Variants in ADARB2 observed in about 807,000 individuals in gnomAD.
ADARB2 encodes adenosine deaminase RNA specific B2 (inactive).
ADARB2 carries 25 observed loss-of-function variants against 62.2 expected under a neutral mutation model. The ratio of observed to expected loss-of-function variants is 0.40; its 90% CI spans 0.29 to 0.56. The LOEUF is 0.56. Among genes scored for constraint, ADARB2 ranks in the 20% least tolerant of loss-of-function variants. The probability of loss-of-function intolerance (pLI) is 0.43; values close to 1 mark genes in which losing one functional copy is unlikely to be tolerated. For missense variants in ADARB2, 1,071 were observed against 1,077.4 expected, an observed-to-expected ratio of 0.99 and a Z score of 0.08; for synonymous variants, 572 against 500.8, an observed-to-expected ratio of 1.14 and a Z score of -1.90.
intron 1 of ADARB2, among the ~76,000 whole-genome samples, chr10:1,400,184 C>T (rs1163345849): frequency 6.6e-6 from 1 of 152,230 alleles, no homozygotes; most frequent in Non-Finnish European, 1.5e-5. Flanking sequence ...CCAGCACCTG[C>T]AGCTGTCCTG....
chr10:1,737,154 C>CA lies in ADARB2; in HGVS notation c.-5_-4insT, dbSNP rs1564208728. 1 of 1,606,692 alleles carries CA rather than the reference C, an allele frequency of 6.2e-7. No homozygotes were observed. Among genetic ancestry groups the CA allele is most frequent in the Admixed American group, 1.7e-5 (1 of 60,030 alleles). Reference sequence around the variant, plus strand: ...CGCTCCCCAGGACCGAGGCCATGGCCGAGACCCAGGCGCGGAGCCCAGAGC... The same window carrying CA: ...CGCTCCCCAGGACCGAGGCCATGGCCAGAGACCCAGGCGCGGAGCCCAGAGC... On this transcript the variant is annotated 5_prime_UTR_variant, in exon 1 of 10. Coordinates refer to ENST00000381312, the MANE Select transcript of ADARB2 (RefSeq NM_018702.4).
At chr10:1,258,215 G>T (rs775619199) in intron 4 of ADARB2, among the ~76,000 whole-genome samples, 15 of 151,958 alleles carry the variant, frequency 9.9e-5, no homozygotes, top group Non-Finnish European at 1.5e-4. Flanking sequence ...GTAAATATAA[G>T]AATATTTTAG....
chr10:1,720,712 G>A (rs138369229), intron 1 of ADARB2, among the ~76,000 whole-genome samples: 1 of 152,294 alleles, frequency 6.6e-6, no homozygotes, highest in East Asian at 1.9e-4. Context: ...GGAGCATGCG[G>A]GGGCCTCTGG....
At chr10:1,407,344 G>A (rs533850803) in intron 1 of ADARB2, among the ~76,000 whole-genome samples, 5 of 152,184 alleles carry the variant, frequency 3.3e-5, no homozygotes, top group South Asian at 2.1e-4. Flanking sequence ...CGGGTCCGAC[G>A]TCTCCGGCGT....
chr10:1,309,143 T>C (rs1831661031), intron 3 of ADARB2, among the ~76,000 whole-genome samples: 2 of 152,202 alleles, frequency 1.3e-5, no homozygotes, highest in African/African-American at 4.8e-5. Flanking sequence ...AGGAATGATA[T>C]TTGGGACATG....
chr10:1,495,683 A>G (rs1831678994), intron 1 of ADARB2, among the ~76,000 whole-genome samples: 2 of 66,616 alleles, frequency 3.0e-5, no homozygotes, highest in Admixed American at 2.9e-4. Context: ...GGTTGTCATT[A>G]TTAACATGAT....
intron 1 of ADARB2, among the ~76,000 whole-genome samples, chr10:1,573,457 C>T (rs1421200834): frequency 6.6e-6 from 1 of 152,202 alleles, no homozygotes; most frequent in African/African-American, 2.4e-5. Context: ...AAGTACACAG[C>T]AGAAAGTAAA....
chr10:1,184,721 G>A, intron 9 of ADARB2, 140 bp downstream of exon 9: 1 of 997,946 alleles, frequency 1.0e-6, no homozygotes, highest in Non-Finnish European at 1.4e-6. Context: ...TGGGCAGCTG[G>A]GAAAAGGACA....
chr10:1,662,090 G>A (rs773601126), intron 1 of ADARB2, among the ~76,000 whole-genome samples: 12 of 152,318 alleles, frequency 7.9e-5, no homozygotes, highest in Admixed American at 4.6e-4. Context: ...ACTTTTCAGC[G>A]TTGAAGGTGC....
intron 1 of ADARB2, among the ~76,000 whole-genome samples, chr10:1,596,065 G>C (rs186470336): frequency 6.6e-6 from 1 of 152,242 alleles, no homozygotes; most frequent in Non-Finnish European, 1.5e-5. Flanking sequence ...AAGAGTGAAG[G>C]GGGCTCTCTT....
At chr10:1,462,508 G>A (rs561993727) in intron 1 of ADARB2, among the ~76,000 whole-genome samples, 1 of 152,366 alleles carries the variant, frequency 6.6e-6, no homozygotes, top group African/African-American at 2.4e-5. Flanking sequence ...GCGTGTGCAT[G>A]AGTGTAGTGT....
chr10:1,731,748 A>T (rs1412519462), intron 1 of ADARB2, among the ~76,000 whole-genome samples: 1 of 152,258 alleles, frequency 6.6e-6, no homozygotes, highest in African/African-American at 2.4e-5. Context: ...CACCAGGCAG[A>T]GTGCAGCCCC....
At chr10:1,563,592 A>G (rs989742894) in intron 1 of ADARB2, among the ~76,000 whole-genome samples, 1 of 152,108 alleles carries the variant, frequency 6.6e-6, no homozygotes, top group African/African-American at 2.4e-5. Flanking sequence ...AGGAAGAGAG[A>G]GCACTCCCTG....
intron 3 of ADARB2, among the ~76,000 whole-genome samples, chr10:1,304,142 G>A (rs1283594676): frequency 3.3e-5 from 5 of 152,010 alleles, no homozygotes; most frequent in Non-Finnish European, 7.4e-5. Flanking sequence ...CTCATGTGCA[G>A]AGACACACAT....
rs1024395006 is a variant in ADARB2, at chr10:1,426,043, C to T, written c.101-46883G>A. On this transcript the variant is annotated intron_variant, in intron 1 of 9. Coordinates refer to ENST00000381312, the MANE Select transcript of ADARB2 (RefSeq NM_018702.4). This position sits in a 1 kb window ranked among gnomAD's most constrained non-coding sequence, Gnocchi z 4.1. ...AGGAGGTTAGAGTTTCCTTCCTCGACTCAAGCAGTCATTCTGAGCATGTGG... is the reference window on the plus strand; with the variant it reads ...AGGAGGTTAGAGTTTCCTTCCTCGATTCAAGCAGTCATTCTGAGCATGTGG... Among the ~76,000 whole-genome samples the T allele has an allele frequency of 4.6e-5, 7 of 152,186 alleles. No homozygotes were observed. The highest frequency in any genetic ancestry group is 1.7e-4 in the African/African-American group (7 of 41,436).
intron 1 of ADARB2, among the ~76,000 whole-genome samples, chr10:1,399,971 C>A (rs1832648197): frequency 6.6e-6 from 1 of 152,164 alleles, no homozygotes; most frequent in Non-Finnish European, 1.5e-5. Flanking sequence ...GCCAGTGCAG[C>A]CACACTTTCC....
intron 1 of ADARB2, among the ~76,000 whole-genome samples, chr10:1,625,755 G>A (rs1317514085): frequency 2.0e-5 from 3 of 152,126 alleles, no homozygotes; most frequent in Admixed American, 6.5e-5. Flanking sequence ...AGGTTGCTAA[G>A]TGTCCCCAGC....
At chr10:1,503,467 C>G (rs1831792906) in intron 1 of ADARB2, among the ~76,000 whole-genome samples, 1 of 151,922 alleles carries the variant, frequency 6.6e-6, no homozygotes, top group Non-Finnish European at 1.5e-5. Context: ...CACAGGGAAG[C>G]ACAAAAGCAG....
intron 1 of ADARB2, among the ~76,000 whole-genome samples, chr10:1,681,484 T>TA (rs777269050): frequency 6.2e-5 from 9 of 144,206 alleles, no homozygotes; most frequent in East Asian, 2.1e-4. Context: ...TTAAAAAATA[T>TA]TAAAAAAAAA....
Sources: allele counts gnomAD v4.1 joint callset (sites outside exome capture counted in the v4.1 genomes callset), GRCh38; gene constraint gnomAD v4.1.1; non-coding constraint Gnocchi (gnomAD v3.1); transcripts MANE v1.5; gene names NCBI Gene and HGNC (gene_info 2026-07-23, HGNC 2026-07-21).